The following CTNNA2 variants were observed in gnomAD, a reference collection of about 807,000 sequenced individuals.
The protein encoded by CTNNA2 is catenin alpha-2.
Under a neutral mutation model 101.0 loss-of-function variants are expected in CTNNA2, and 42 were observed. The observed-to-expected ratio is 0.42, with a 90% CI of 0.32 to 0.54. CTNNA2 has a LOEUF of 0.54. Among genes scored for constraint, CTNNA2 ranks in the 20% least tolerant of loss-of-function variants. CTNNA2 has a pLI of 0.14. For missense variants in CTNNA2, 871 were observed against 1,223.1 expected (o/e 0.71, Z 4.29); for synonymous variants, 450 against 456.4 (o/e 0.99, Z 0.18).
At chr2:80,007,068 A>C (rs1693422686) in intron 7 of CTNNA2, among the ~76,000 whole-genome samples, 1 of 152,148 alleles carries the variant, frequency 6.6e-6, no homozygotes, top group Admixed American at 6.5e-5. Context: ...ATCTATTACC[A>C]TTTGAAATAG....
In CTNNA2 at chr2:80,302,666, C is replaced by A; in HGVS notation, c.1057-90545C>A. On this transcript the variant is annotated intron_variant, in intron 7 of 18. Coordinates refer to ENST00000402739, the MANE Select transcript of CTNNA2 (RefSeq NM_001282597.3). The surrounding 1 kb of genome is among the most constrained non-coding windows in gnomAD (Gnocchi z 6.4). ...CGTGGTGGCCGAGCTGGCAGGGGGC[C>A]CCAGATCACTGCGGTTGGTGACGGC... The A allele has an allele frequency of 1.2e-6, 2 of 1,611,360 alleles. No homozygotes were observed. Among genetic ancestry groups the A allele is most frequent in the Non-Finnish European group, 1.7e-6 (2 of 1,179,586 alleles).
rs1442917812 is a variant in CTNNA2, at chr2:80,360,638, G to T, written c.1057-32573G>T. On this transcript the variant is annotated intron_variant, in intron 7 of 18. Coordinates refer to ENST00000402739, the MANE Select transcript of CTNNA2 (RefSeq NM_001282597.3). ...ATAGGGTACTCTATGATTAGTCCCT[G>T]CATATGCTTAGGGAGTACATGTAAG... Among the ~76,000 whole-genome samples the T allele has an allele frequency of 4.6e-5, 7 of 152,042 alleles. No individual in the cohort carries two copies. In the East Asian group the frequency reaches 1.2e-3, roughly 25 times the overall value.
chr2:80,087,523 A>T (rs2148814934), intron 7 of CTNNA2, among the ~76,000 whole-genome samples: 1 of 152,136 alleles, frequency 6.6e-6, no homozygotes, highest in South Asian at 2.1e-4. Flanking sequence ...GAGGATTTTT[A>T]TGTTTCCCTC....
intron 6 of CTNNA2, among the ~76,000 whole-genome samples, chr2:79,900,032 A>AT (rs1412918161): frequency 6.6e-6 from 1 of 152,206 alleles, no homozygotes; most frequent in Non-Finnish European, 1.5e-5. Flanking sequence ...CATTCTTTTG[A>AT]TTTAGACACC....
At chr2:80,214,174 A>G (rs1708097978) in intron 7 of CTNNA2, among the ~76,000 whole-genome samples, 1 of 152,112 alleles carries the variant, frequency 6.6e-6, no homozygotes, top group Non-Finnish European at 1.5e-5. Context: ...CCAGTTTGCT[A>G]GTCTGTGTCT....
At chr2:79,249,744 A>C (rs575135620) in intron 2 of CTNNA2, among the ~76,000 whole-genome samples, 4 of 152,166 alleles carry the variant, frequency 2.6e-5, no homozygotes. Flanking sequence ...TATTCCATAC[A>C]GAGAATTAGA....
At chr2:80,227,564 TGCTGATG>T (rs1456966659) in intron 7 of CTNNA2, among the ~76,000 whole-genome samples, 1 of 152,210 alleles carries the variant, frequency 6.6e-6, no homozygotes, top group Non-Finnish European at 1.5e-5. Flanking sequence ...TTCTTGACTT[TGCTGATG>T]GCTCTTTCTG....
intron 7 of CTNNA2, among the ~76,000 whole-genome samples, chr2:80,017,488 A>G (rs531456006): frequency 8.4e-4 from 128 of 151,864 alleles, no homozygotes; most frequent in Admixed American, 7.2e-3. Context: ...GTGTATATAT[A>G]TGTATATATG....
intron 7 of CTNNA2, among the ~76,000 whole-genome samples, chr2:80,091,866 A>G (rs1296914743): frequency 6.6e-6 from 1 of 152,156 alleles, no homozygotes; most frequent in Non-Finnish European, 1.5e-5. Context: ...CAATTTATGC[A>G]AAACCTCTGT....
At chr2:80,217,314 A>G (rs751936010) in intron 7 of CTNNA2, among the ~76,000 whole-genome samples, 1 of 151,666 alleles carries the variant, frequency 6.6e-6, no homozygotes, top group Non-Finnish European at 1.5e-5. Context: ...ACTTCATATA[A>G]CTTCATCCTC....
intron 1 of CTNNA2, among the ~76,000 whole-genome samples, chr2:79,534,351 C>G (rs1325500744): frequency 1.3e-5 from 2 of 151,994 alleles, no homozygotes; most frequent in Non-Finnish European, 2.9e-5. Context: ...CTTAAGGATC[C>G]TAAGAGTATA....
At chr2:79,560,548 A>G (rs1401262792) in intron 1 of CTNNA2, among the ~76,000 whole-genome samples, 5 of 151,956 alleles carry the variant, frequency 3.3e-5, no homozygotes, top group Non-Finnish European at 7.4e-5. Flanking sequence ...TGGCAGGTGC[A>G]GAGGTTGGAT....
intron 7 of CTNNA2, among the ~76,000 whole-genome samples, chr2:80,119,886 G>T (rs1455247629): frequency 6.6e-6 from 1 of 152,122 alleles, no homozygotes; most frequent in Non-Finnish European, 1.5e-5. Flanking sequence ...GCTAAACAAG[G>T]TTAAAATGTG....
intron 3 of CTNNA2, among the ~76,000 whole-genome samples, chr2:79,810,717 CT>C (rs1219923401): frequency 6.6e-6 from 1 of 151,680 alleles, no homozygotes; most frequent in Non-Finnish European, 1.5e-5. Flanking sequence ...GTGATGTTCC[CT>C]TTCCTGTGTC....
At chr2:79,578,282 A>C (rs1013783176) in intron 1 of CTNNA2, among the ~76,000 whole-genome samples, 3 of 152,066 alleles carry the variant, frequency 2.0e-5, no homozygotes, top group Non-Finnish European at 4.4e-5. Context: ...TTTCAAGATA[A>C]TATCCCTTTG....
intron 4 of CTNNA2, among the ~76,000 whole-genome samples, chr2:79,485,653 T>C (rs551089070): frequency 2.0e-5 from 3 of 152,234 alleles, no homozygotes; most frequent in Non-Finnish European, 4.4e-5. Flanking sequence ...ACACAGTTGC[T>C]TTCTCTACCC....
chr2:79,733,313 T>C (rs1337756395), intron 2 of CTNNA2, among the ~76,000 whole-genome samples: 4 of 152,118 alleles, frequency 2.6e-5, no homozygotes, highest in Non-Finnish European at 4.4e-5. Flanking sequence ...ACTTCTCAGC[T>C]CTGATGAGAC....
At chr2:80,367,192 G>T in intron 7 of CTNNA2, among the ~76,000 whole-genome samples, 1 of 151,980 alleles carries the variant, frequency 6.6e-6, no homozygotes, top group East Asian at 1.9e-4. Flanking sequence ...TTCACATTGC[G>T]TAGAAAAACG....
intron 2 of CTNNA2, among the ~76,000 whole-genome samples, chr2:79,667,115 G>C (rs1477298998): frequency 6.6e-6 from 1 of 152,178 alleles, no homozygotes; most frequent in East Asian, 1.9e-4. Context: ...TGGATGACCA[G>C]AACTAACTTT....
Sources: gnomAD v4.1 joint callset for allele counts (sites outside exome capture counted in the v4.1 genomes callset) on GRCh38, gnomAD v4.1.1 for gene constraint, Gnocchi (gnomAD v3.1) non-coding constraint, MANE v1.5 for transcripts, NCBI Gene and HGNC (gene_info 2026-07-23, HGNC 2026-07-21) for gene names.